The following TTC39C variants were observed in gnomAD, a reference collection of about 807,000 sequenced individuals.
TTC39C encodes tetratricopeptide repeat protein 39C.
In TTC39C, 33 loss-of-function variants were observed where a neutral mutation model predicts 76.3. That is an observed-to-expected ratio of 0.43 (90% CI 0.33 to 0.58). The LOEUF (loss-of-function observed/expected upper bound fraction) is 0.58. TTC39C is among the 20% of genes least tolerant of loss of function. The pLI, the probability that TTC39C is intolerant of heterozygous loss-of-function variation, is 0.04. For missense variants in TTC39C, 595 were observed against 701.4 expected, an observed-to-expected ratio of 0.85 and a Z score of 1.71; for synonymous variants, 254 against 260.6, an observed-to-expected ratio of 0.97 and a Z score of 0.24.
intron 1 of TTC39C, among the ~76,000 whole-genome samples, chr18:24,005,434 A>G (rs2145630071): frequency 6.6e-6 from 1 of 152,320 alleles, no homozygotes. Context: ...CACAGGATTC[A>G]AGCCATTAAC....
chr18:23,996,995 G>A (rs2083266740), intron 1 of TTC39C, among the ~76,000 whole-genome samples: 1 of 152,182 alleles, frequency 6.6e-6, no homozygotes. Flanking sequence ...TGTAGTCCCA[G>A]CTACTTGGGA....
intron 8 of TTC39C, among the ~76,000 whole-genome samples, chr18:24,120,663 C>T (rs1191017643): frequency 1.3e-5 from 2 of 152,126 alleles, no homozygotes; most frequent in Non-Finnish European, 2.9e-5. Flanking sequence ...TCTTCATCAT[C>T]CCAAACTCTA....
At chr18:24,091,094 G>A (rs969636362) in intron 6 of TTC39C, among the ~76,000 whole-genome samples, 2 of 152,146 alleles carry the variant, frequency 1.3e-5, no homozygotes, top group Admixed American at 6.5e-5. Context: ...GGCGTAAGCC[G>A]CCACGCCCGG....
At chr18:24,025,850 G>C (rs1478518931) in intron 1 of TTC39C, among the ~76,000 whole-genome samples, 1 of 152,210 alleles carries the variant, frequency 6.6e-6, no homozygotes, top group Non-Finnish European at 1.5e-5. Flanking sequence ...CTGTAGGAAG[G>C]GAAGAGGCTG....
At chr18:24,071,023 G>A (rs933372000) in intron 4 of TTC39C, among the ~76,000 whole-genome samples, 1 of 151,978 alleles carries the variant, frequency 6.6e-6, no homozygotes, top group Non-Finnish European at 1.5e-5. Flanking sequence ...CTGCCTCCCA[G>A]GTTCAAGTGA....
chr18:24,056,347 G>A (rs144611946), intron 1 of TTC39C, among the ~76,000 whole-genome samples: 4 of 152,266 alleles, frequency 2.6e-5, no homozygotes, highest in African/African-American at 9.6e-5. Flanking sequence ...ATTTGAAGGG[G>A]AGAAAAGTAT....
intron 1 of TTC39C, among the ~76,000 whole-genome samples, chr18:24,055,474 C>G (rs1293492603): frequency 3.9e-5 from 6 of 152,062 alleles, no homozygotes; most frequent in Admixed American, 2.6e-4. Context: ...TTGCATTTCC[C>G]TAGTGATTAG....
chr18:24,099,098 T>TATATATAACATATATAC (rs1327508559), intron 6 of TTC39C: 7 of 43,054 alleles, frequency 1.6e-4, no homozygotes, highest in East Asian at 8.2e-4. Flanking sequence ...CATATATACA[T>TATATATAACATATATAC]ATATATATAT....
At chr18:24,114,267 T>C (rs894927) in intron 6 of TTC39C, 246,904 of 293,448 alleles carry the variant, frequency 0.84, 105,147 homozygotes, top group Non-Finnish European at 0.87. Flanking sequence ...AAGGTGGGTG[T>C]GAGCTGAGCC....
At chr18:24,105,294 G>A (rs531866088) in intron 6 of TTC39C, among the ~76,000 whole-genome samples, 2 of 152,092 alleles carry the variant, frequency 1.3e-5, no homozygotes, top group Non-Finnish European at 2.9e-5. Flanking sequence ...AAGAATGATT[G>A]GCTAATACTG....
intron 6 of TTC39C, among the ~76,000 whole-genome samples, chr18:24,099,833 T>C (rs1370876969): frequency 6.6e-6 from 1 of 152,142 alleles, no homozygotes; most frequent in African/African-American, 2.4e-5. Flanking sequence ...TATTTACTTA[T>C]ATCCATTTTA....
intron 4 of TTC39C, among the ~76,000 whole-genome samples, chr18:24,069,944 T>C (rs1423851816): frequency 6.6e-6 from 1 of 152,202 alleles, no homozygotes; most frequent in Non-Finnish European, 1.5e-5. Context: ...CCCATTTTGG[T>C]AGATAGAATT....
intron 1 of TTC39C, among the ~76,000 whole-genome samples, chr18:24,050,425 C>T (rs9959380): frequency 0.61 from 92,825 of 151,524 alleles, 30,407 homozygotes; most frequent in Middle Eastern, 0.75. Context: ...CAGAAATTAG[C>T]CAGGCATGAT....
rs771599545 is a variant in TTC39C at position 24,069,262 on chromosome 18, G to T, written c.451G>T (p.Glu151Ter). The T allele has an allele frequency of 6.2e-7, 1 of 1,613,144 alleles. No homozygotes were observed. The highest frequency in any genetic ancestry group is 8.5e-7 in the Non-Finnish European group (1 of 1,179,166). Reference protein sequence around the residue: ...YLAVLSFVKQELSAYIKGGWI... With the variant: ...YLAVLSFVKQ ...GGCTGTGCTTTCATTTGTAAAACAA[G>T]AATTGTCAGGTATGCTGAAGCATTA... Residue 151 changes from glutamate to a stop codon, truncating the protein, a stop_gained, in exon 4 of 14, where the codon GAA (glutamate) becomes TAA (stop). Coordinates refer to ENST00000317571, the MANE Select transcript of TTC39C (RefSeq NM_001135993.2). LOFTEE classifies it high-confidence loss of function.
intron 1 of TTC39C, among the ~76,000 whole-genome samples, chr18:24,029,527 G>C (rs538209900): frequency 6.6e-6 from 1 of 152,272 alleles, no homozygotes; most frequent in Non-Finnish European, 1.5e-5. Context: ...AATTTCAGTA[G>C]TTTTGGGGGA....
chr18:23,997,576 GAGAAAGAAAGAAAGAA>G (rs373087699), intron 1 of TTC39C, among the ~76,000 whole-genome samples: 1 of 80,212 alleles, frequency 1.2e-5, no homozygotes, highest in Non-Finnish European at 2.5e-5. Context: ...AAAAAAAAAA[GAGAAAGAAAGAAAGAA>G]AGAGGGAAGG....
In TTC39C at chr18:24,092,702, T is replaced by G. The variant is rs184172658; in HGVS notation, c.984+9621T>G. On this transcript the variant is annotated intron_variant, in intron 6 of 13. Coordinates refer to ENST00000317571, the MANE Select transcript of TTC39C (RefSeq NM_001135993.2). ...TACATCTACAGAGGCAGAAAATAGA[T>G]TATTGCTTGCTTCAGTGTGGAGGTA... 8.5e-4 allele frequency among the ~76,000 whole-genome samples: 129 copies of G among 152,270 alleles called. 1 individual carries two copies. The Middle Eastern group carries it at 0.02, about 24-fold the overall frequency.
chr18:24,090,071 A>G (rs1599315249), intron 6 of TTC39C, among the ~76,000 whole-genome samples: 1 of 152,176 alleles, frequency 6.6e-6, no homozygotes, highest in African/African-American at 2.4e-5. Context: ...TAATTTTTTA[A>G]GTAAATAATT....
rs1190997723 is a variant in TTC39C, at chr18:24,113,666, G to A, written c.985-888G>A. The A allele has an allele frequency of 4.3e-6, 3 of 702,366 alleles. No homozygotes were observed. The South Asian group carries it at 4.4e-5, about 10-fold the overall frequency. 43.5% of individuals were successfully genotyped at this position (702,366 alleles called of 1,614,324 possible). On this transcript the variant is annotated intron_variant, in intron 6 of 13. Coordinates refer to ENST00000317571, the MANE Select transcript of TTC39C (RefSeq NM_001135993.2). ...GCTGTTTAAGATTTATTTATTAATG[G>A]TATGTGACATTTAGCATTTCTCAAT...
Sources: allele counts gnomAD v4.1 joint callset (sites outside exome capture counted in the v4.1 genomes callset), GRCh38; gene constraint gnomAD v4.1.1; transcripts MANE v1.5; gene names NCBI Gene and HGNC (gene_info 2026-07-23, HGNC 2026-07-21).